The following DAB1 variants were observed in gnomAD, a reference collection of about 807,000 sequenced individuals.
The protein encoded by DAB1 is DAB adaptor protein 1.
Under a neutral mutation model 64.6 loss-of-function variants are expected in DAB1, and 15 were observed. The ratio of observed to expected loss-of-function variants is 0.23; its 90% CI spans 0.16 to 0.36. DAB1 has a LOEUF of 0.36. Among genes scored for constraint, DAB1 ranks in the 10% least tolerant of loss-of-function variants. DAB1 has a pLI of 1.00. For synonymous variants in DAB1, 235 were observed against 251.9 expected (o/e 0.93, Z 0.64); for missense variants, 596 against 706.7 (o/e 0.84, Z 1.78).
chr1:57,623,064 C>CT (rs1296878720), intron 7 of DAB1, among the ~76,000 whole-genome samples: 3 of 152,146 alleles, frequency 2.0e-5, no homozygotes, highest in Non-Finnish European at 4.4e-5. Flanking sequence ...ATCATTGCTG[C>CT]TTTTTTTCCC....
rs181185265 is a variant in DAB1 at position 57,708,663 on chromosome 1, G to A, written n.552-58998C>T. Among the ~76,000 whole-genome samples the A allele has an allele frequency of 1.3e-4, 20 of 152,322 alleles. No individual in the cohort carries two copies. In the East Asian group the frequency reaches 3.5e-3, roughly 27 times the overall value. ...CCCTGTGGGCCAGGGCTGGTCTGAA[G>A]GCTCCTGTCCTGGGTGCCAGCAGAA... On this transcript the variant is annotated intron_variant and non_coding_transcript_variant, in intron 6 of 20. Transcript: ENST00000485760.
At chr1:57,408,985 TTTTCTC>T (rs1346997021) in intron 1 of DAB1, among the ~76,000 whole-genome samples, 2 of 152,064 alleles carry the variant, frequency 1.3e-5, no homozygotes, top group African/African-American at 4.8e-5. Context: ...TTATCTCCCT[TTTTCTC>T]TTTCTGCTTC....
At chr1:57,819,687 G>A (rs747405353) in intron 6 of DAB1, among the ~76,000 whole-genome samples, 8 of 152,122 alleles carry the variant, frequency 5.3e-5, no homozygotes, top group African/African-American at 7.2e-5. Context: ...ATAATGACAC[G>A]GATCTGCATT....
intron 6 of DAB1, among the ~76,000 whole-genome samples, chr1:57,739,835 C>A (rs1374184213): frequency 6.6e-6 from 1 of 151,870 alleles, no homozygotes; most frequent in African/African-American, 2.4e-5. Flanking sequence ...TCAGTAAAAT[C>A]ATGGGTTTAA....
intron 6 of DAB1, among the ~76,000 whole-genome samples, chr1:57,782,129 A>T (rs1020984554): frequency 3.3e-5 from 5 of 150,904 alleles, no homozygotes; most frequent in African/African-American, 1.2e-4. Flanking sequence ...TGAGGTTATT[A>T]ATCCAACTCC....
chr1:57,538,454 G>A (rs1644756993), intron 7 of DAB1, among the ~76,000 whole-genome samples: 1 of 152,100 alleles, frequency 6.6e-6, no homozygotes, highest in African/African-American at 2.4e-5. Context: ...AAACTCCCTG[G>A]AATTTTGACC....
chr1:57,780,476 C>T (rs1329416869), intron 6 of DAB1, among the ~76,000 whole-genome samples: 1 of 152,042 alleles, frequency 6.6e-6, no homozygotes, highest in Non-Finnish European at 1.5e-5. Context: ...TTGATATATA[C>T]AGATTTCTTT....
intron 2 of DAB1, among the ~76,000 whole-genome samples, chr1:57,219,638 C>G (rs1390295617): frequency 6.6e-6 from 1 of 152,120 alleles, no homozygotes; most frequent in Non-Finnish European, 1.5e-5. Context: ...GACAGATTCT[C>G]CTACTGAAGG....
intron 6 of DAB1, among the ~76,000 whole-genome samples, chr1:57,707,169 T>G (rs1377725997): frequency 6.6e-6 from 1 of 152,100 alleles, no homozygotes; most frequent in South Asian, 2.1e-4. Flanking sequence ...CCAACTCTAC[T>G]CCACCTTATC....
At chr1:57,704,912 T>TCCTTCCTTCCTTCCTTCCTTCCTC (rs71051247) in intron 6 of DAB1, among the ~76,000 whole-genome samples, 1 of 116,366 alleles carries the variant, frequency 8.6e-6, no homozygotes, top group African/African-American at 3.2e-5. Context: ...CTTCCTTCCT[T>TCCTTCCTTCCTTCCTTCCTTCCTC]TTCATCTTTC....
intron 3 of DAB1, among the ~76,000 whole-genome samples, chr1:58,455,326 C>G (rs1376025259): frequency 6.6e-6 from 1 of 152,256 alleles, no homozygotes; most frequent in African/African-American, 2.4e-5. Context: ...GGTGGTTACT[C>G]ACCAACACCT....
chr1:57,646,467 G>C (rs1646192111), intron 7 of DAB1, among the ~76,000 whole-genome samples: 1 of 152,190 alleles, frequency 6.6e-6, no homozygotes, highest in Non-Finnish European at 1.5e-5. Flanking sequence ...TCTGGTTGCT[G>C]CTGGGCATGG....
At chr1:57,350,303 G>T (rs1362029482) in intron 1 of DAB1, among the ~76,000 whole-genome samples, 1 of 152,132 alleles carries the variant, frequency 6.6e-6, no homozygotes, top group Non-Finnish European at 1.5e-5. Flanking sequence ...CAGCTTTTAC[G>T]TGGTGTAGCT....
At chr1:58,431,191 T>C (rs1557758164) in intron 3 of DAB1, among the ~76,000 whole-genome samples, 1 of 152,112 alleles carries the variant, frequency 6.6e-6, no homozygotes, top group Non-Finnish European at 1.5e-5. Flanking sequence ...ATGGCTTCTC[T>C]GTGAATCATG....
intron 7 of DAB1, among the ~76,000 whole-genome samples, chr1:57,532,150 T>C (rs1644670139): frequency 6.6e-6 from 1 of 152,162 alleles, no homozygotes; most frequent in African/African-American, 2.4e-5. Context: ...AAACTGAAAT[T>C]GGTAAACTAT....
At chr1:58,546,184 T>C (rs1646701356) in intron 1 of DAB1, among the ~76,000 whole-genome samples, 2 of 152,370 alleles carry the variant, frequency 1.3e-5, no homozygotes, top group South Asian at 4.1e-4. Context: ...TGTTCTGGTT[T>C]GCCCTGCCGA....
At chr1:57,082,548 A>G (rs1652648399) in intron 4 of DAB1, among the ~76,000 whole-genome samples, 1 of 152,160 alleles carries the variant, frequency 6.6e-6, no homozygotes. Flanking sequence ...TTTAATTTTA[A>G]GTTCCAGGAT....
chr1:57,979,950 A>G (rs1341990342), intron 5 of DAB1, among the ~76,000 whole-genome samples: 1 of 152,112 alleles, frequency 6.6e-6, no homozygotes, highest in South Asian at 2.1e-4. Flanking sequence ...AAAAGAAAGG[A>G]CTTGTTCATA....
At chr1:58,173,062 G>A (rs552664246) in intron 4 of DAB1, among the ~76,000 whole-genome samples, 9 of 152,188 alleles carry the variant, frequency 5.9e-5, no homozygotes, top group Non-Finnish European at 1.3e-4. Context: ...AAACCACTGG[G>A]CAGATGCTGA....
Sources: allele counts gnomAD v4.1 joint callset (sites outside exome capture counted in the v4.1 genomes callset), GRCh38; gene constraint gnomAD v4.1.1; transcripts MANE v1.5; gene names NCBI Gene and HGNC (gene_info 2026-07-23, HGNC 2026-07-21).